FAM78B: variants seen among roughly 807,000 people sequenced by gnomAD.
FAM78B encodes the protein family with sequence similarity 78 member B.
In FAM78B, 10 loss-of-function variants were observed where a neutral mutation model predicts 20.0. The ratio of observed to expected loss-of-function variants is 0.50; its 90% CI spans 0.31 to 0.85. The LOEUF is 0.85. FAM78B is among the 40% of genes least tolerant of loss of function. The pLI, the probability that FAM78B is intolerant of heterozygous loss-of-function variation, is 0.05. For synonymous variants in FAM78B, 135 were observed against 132.8 expected, an observed-to-expected ratio of 1.02 and a Z score of -0.12; for missense variants, 283 against 345.0, an observed-to-expected ratio of 0.82 and a Z score of 1.42.
At chr1:166,109,872 ATATATATATG>A (rs1557903295) in intron 1 of FAM78B, among the ~76,000 whole-genome samples, 12 of 21,346 alleles carry the variant, frequency 5.6e-4, no homozygotes, top group Non-Finnish European at 8.1e-4. Flanking sequence ...GTATGTGTAT[ATATATATATG>A]TATATATGTA....
At chr1:166,153,847 C>A (rs1401805007) in intron 1 of FAM78B, among the ~76,000 whole-genome samples, 1 of 152,140 alleles carries the variant, frequency 6.6e-6, no homozygotes, top group African/African-American at 2.4e-5. Flanking sequence ...CTATACCCCC[C>A]TTAGATCCCA....
In FAM78B at chr1:166,092,032, ATTT is replaced by A. The variant is rs11286787; in HGVS notation, c.264-21272_264-21270del. On this transcript the variant is annotated intron_variant, in intron 1 of 1. Coordinates refer to ENST00000354422, the MANE Select transcript of FAM78B (RefSeq NM_001017961.5). ...GTGTGGTTAACATGATTGAGCCATC[ATTT>A]TTTTTTTTTTTTTTTGCAAAACAAA... 1.5e-3 allele frequency among the ~76,000 whole-genome samples: 189 copies of A among 125,996 alleles called. 2 individuals are homozygous for A. The highest frequency in any genetic ancestry group is 0.014 in the East Asian group (65 of 4,502). 82.7% of individuals were successfully genotyped at this position (125,996 alleles called of 152,430 possible).
At chr1:166,101,178 A>G (rs1191404033) in intron 1 of FAM78B, among the ~76,000 whole-genome samples, 2 of 152,226 alleles carry the variant, frequency 1.3e-5, no homozygotes, top group Non-Finnish European at 1.5e-5. Flanking sequence ...CATCCACACC[A>G]AAACCCCATC....
chr1:166,074,678 A>T (rs777997316), intron 1 of FAM78B, among the ~76,000 whole-genome samples: 1 of 152,220 alleles, frequency 6.6e-6, no homozygotes, highest in African/African-American at 2.4e-5. Context: ...AAAATCTAAC[A>T]TCTATTCATT....
chr1:166,063,213 G>A (rs1651674116), intron 2 of FAM78B, among the ~76,000 whole-genome samples: 1 of 152,220 alleles, frequency 6.6e-6, no homozygotes, highest in Non-Finnish European at 1.5e-5. Context: ...TCTCCCTGAT[G>A]GCAGGACTCT....
chr1:166,121,689 T>G (rs1021752134), intron 1 of FAM78B, among the ~76,000 whole-genome samples: 1 of 152,200 alleles, frequency 6.6e-6, no homozygotes, highest in African/African-American at 2.4e-5. Context: ...CCAAGCATTT[T>G]ACATGTGCTA....
intron 1 of FAM78B, among the ~76,000 whole-genome samples, chr1:166,156,341 A>G (rs978429806): frequency 6.6e-6 from 1 of 152,234 alleles, no homozygotes; most frequent in Non-Finnish European, 1.5e-5. Flanking sequence ...TGCCCTTAAA[A>G]GTGTCCACAT....
At chr1:166,061,424 T>C (rs551646011) in intron 2 of FAM78B, among the ~76,000 whole-genome samples, 6 of 152,292 alleles carry the variant, frequency 3.9e-5, no homozygotes, top group African/African-American at 1.4e-4. Flanking sequence ...TGACACAAAT[T>C]TTATGATTAT....
At chr1:166,110,908 TGG>T (rs1386104605) in intron 1 of FAM78B, among the ~76,000 whole-genome samples, 6 of 152,188 alleles carry the variant, frequency 3.9e-5, no homozygotes, top group Non-Finnish European at 7.4e-5. Flanking sequence ...AATCAAGCTT[TGG>T]AAAGTCTGTG....
intron 1 of FAM78B, among the ~76,000 whole-genome samples, chr1:166,109,896 A>ATGTATGTG (rs1274757469): frequency 1.7e-5 from 1 of 59,952 alleles, no homozygotes; most frequent in Non-Finnish European, 3.4e-5. Context: ...ATATGTATAT[A>ATGTATGTG]TATATATATA....
intron 1 of FAM78B, among the ~76,000 whole-genome samples, chr1:166,106,933 A>G: frequency 6.6e-6 from 1 of 152,112 alleles, no homozygotes; most frequent in East Asian, 1.9e-4. Flanking sequence ...AAAAGTAAAA[A>G]AAAAAATCTT....
chr1:166,148,865 A>G (rs1365375619), intron 1 of FAM78B, among the ~76,000 whole-genome samples: 1 of 152,222 alleles, frequency 6.6e-6, no homozygotes, highest in African/African-American at 2.4e-5. Context: ...TCACTGTTCA[A>G]TTCCCACCTA....
Position 166,070,542 on chromosome 1 carries a change from C to A in FAM78B, c.485G>T (p.Arg162Ile). Residue 162 changes from arginine (R) to isoleucine (I), a missense_variant, in exon 2 of 2, where the codon AGA (arginine) becomes ATA (isoleucine). Transcript: ENST00000354422. Reference sequence around the variant, plus strand: ...CGTGAAACTTTGGTCTCTCTTGATTCTTGTGAGCAGTGGCACATTGCTGTC... The same window carrying A: ...CGTGAAACTTTGGTCTCTCTTGATTATTGTGAGCAGTGGCACATTGCTGTC... ...VSDSNVPLLT[R>I]IKRDQSFTTW... 1 of 1,613,990 alleles carries A rather than the reference C, an allele frequency of 6.2e-7. No individual in the cohort carries two copies.
downstream of FAM78B, among the ~76,000 whole-genome samples, chr1:166,066,862 A>T (rs1651813684): frequency 6.6e-6 from 1 of 152,116 alleles, no homozygotes; most frequent in South Asian, 2.1e-4. Flanking sequence ...CCCCCATCTC[A>T]TGTGAGATGA....
rs140300736 is a variant in FAM78B at position 166,137,302 on chromosome 1, T to C, written c.263+28684A>G. On this transcript the variant is annotated intron_variant, in intron 1 of 1. Coordinates refer to ENST00000354422, the MANE Select transcript of FAM78B (RefSeq NM_001017961.5). ...CAGCAGGACAGTGAGCTATGATCAA[T>C]TAGCCATGTCTGCCACAGGCATGCA... Among the ~76,000 whole-genome samples the C allele has an allele frequency of 3.1e-3, 472 of 152,346 alleles. 4 individuals carry two copies. Among genetic ancestry groups the C allele is most frequent in the African/African-American group, 0.011 (449 of 41,576 alleles).
intron 1 of FAM78B, among the ~76,000 whole-genome samples, chr1:166,073,666 T>A (rs1364027028): frequency 6.6e-6 from 1 of 152,178 alleles, no homozygotes; most frequent in African/African-American, 2.4e-5. Context: ...GTAGCACTAT[T>A]TGAGTCACTC....
intron 1 of FAM78B, among the ~76,000 whole-genome samples, chr1:166,150,072 A>G (rs1156238821): frequency 1.3e-5 from 2 of 152,204 alleles, no homozygotes; most frequent in African/African-American, 4.8e-5. Flanking sequence ...GGACTCTGAT[A>G]CTGCATAGGG....
chr1:166,152,691 T>G (rs180772874), intron 1 of FAM78B, among the ~76,000 whole-genome samples: 17 of 148,264 alleles, frequency 1.1e-4, no homozygotes, highest in African/African-American at 4.4e-4. Flanking sequence ...TTTATTTATT[T>G]ATTTATTGAT....
At chr1:166,070,814 T>C in intron 1 of FAM78B, 51 bp from the exon 2 acceptor site, 1 of 1,503,434 alleles carries the variant, frequency 6.7e-7, no homozygotes. Context: ...AATGAATTTT[T>C]CAAAAGCTGG....
Sources: allele counts gnomAD v4.1 joint callset (sites outside exome capture counted in the v4.1 genomes callset), GRCh38; gene constraint gnomAD v4.1.1; transcripts MANE v1.5; gene names NCBI Gene and HGNC (gene_info 2026-07-23, HGNC 2026-07-21).